Variants in STK38L observed in about 807,000 individuals in gnomAD.
STK38L encodes serine/threonine kinase 38 like.
A neutral mutation model predicts 59.7 loss-of-function variants in STK38L; 28 were observed. The ratio of observed to expected loss-of-function variants is 0.47; its 90% CI spans 0.35 to 0.64. The LOEUF is 0.64. Ranked by LOEUF, STK38L falls within the 30% of genes least tolerant of loss-of-function variation. The probability of loss-of-function intolerance (pLI) is 0.01; values close to 1 mark genes in which losing one functional copy is unlikely to be tolerated. For missense variants in STK38L, 314 were observed against 555.8 expected (o/e 0.56, Z 4.37); for synonymous variants, 162 against 176.8 (o/e 0.92, Z 0.66).
intron 1 of STK38L, among the ~76,000 whole-genome samples, chr12:27,245,152 G>T (rs1424446470): frequency 1.3e-5 from 2 of 152,200 alleles, no homozygotes. Context: ...TTGGAGGAAT[G>T]ATATAAAAAG....
intron 10 of STK38L, 142 bp from the exon 11 acceptor site, chr12:27,317,754 T>C (rs1471740645): frequency 2.0e-6 from 2 of 1,010,980 alleles, no homozygotes; most frequent in Non-Finnish European, 2.9e-6. Context: ...AGCAACGTGA[T>C]TGTAAATTGA....
chr12:27,288,933 G>A (rs763104709), intron 1 of STK38L, among the ~76,000 whole-genome samples: 5 of 146,908 alleles, frequency 3.4e-5, no homozygotes, highest in South Asian at 2.1e-4. Context: ...GTATGTGCTC[G>A]TGTGTGTGCC....
At chr12:27,267,683 G>T (rs1277152402) in intron 1 of STK38L, among the ~76,000 whole-genome samples, 2 of 152,280 alleles carry the variant, frequency 1.3e-5, no homozygotes, top group South Asian at 2.1e-4. Context: ...CAAAGCAGTT[G>T]TACTAATCTA....
At chr12:27,309,617 T>C (rs1223547697) in intron 5 of STK38L, among the ~76,000 whole-genome samples, 1 of 152,222 alleles carries the variant, frequency 6.6e-6, no homozygotes, top group African/African-American at 2.4e-5. Flanking sequence ...CTGGTGTCTC[T>C]TCTTATAAGG....
chr12:27,305,570 A>C (rs1427709334), intron 3 of STK38L, among the ~76,000 whole-genome samples: 1 of 152,254 alleles, frequency 6.6e-6, no homozygotes, highest in Non-Finnish European at 1.5e-5. Flanking sequence ...TTTGATAAAA[A>C]ATAAAATTGT....
intron 2 of STK38L, 125 bp downstream of exon 2, chr12:27,297,979 C>T: frequency 2.5e-6 from 3 of 1,200,974 alleles, no homozygotes; most frequent in Non-Finnish European, 3.5e-6. Context: ...TTTTGAGTTT[C>T]CTGTACTGAC....
intron 1 of STK38L, among the ~76,000 whole-genome samples, chr12:27,289,289 T>C (rs1373724767): frequency 2.7e-5 from 4 of 150,636 alleles, no homozygotes; most frequent in Non-Finnish European, 6.0e-5. Flanking sequence ...ATTGCTGCTT[T>C]GGTAAATTTA....
intron 1 of STK38L, among the ~76,000 whole-genome samples, chr12:27,261,349 A>G (rs754366798): frequency 1.4e-4 from 22 of 152,230 alleles, no homozygotes; most frequent in Admixed American, 1.3e-3. Context: ...GTTCTAGTGC[A>G]GAGTCCCATT....
At chr12:27,317,658 T>C (rs1244799748) in intron 10 of STK38L, 2 of 705,966 alleles carry the variant, frequency 2.8e-6, no homozygotes, top group Non-Finnish European at 4.6e-6. Flanking sequence ...TAACCCAAAC[T>C]CCCACGTATA....
intron 7 of STK38L, 98 bp downstream of exon 7, chr12:27,314,756 A>G (rs1944544223): frequency 3.0e-6 from 4 of 1,319,978 alleles, no homozygotes; most frequent in Admixed American, 2.6e-5. Context: ...AATTTAGAAT[A>G]TTGCTAAACA....
intron 1 of STK38L, among the ~76,000 whole-genome samples, chr12:27,249,241 C>T (rs763815286): frequency 6.6e-5 from 10 of 152,224 alleles, no homozygotes; most frequent in Non-Finnish European, 1.2e-4. Flanking sequence ...GTGACCTGAT[C>T]ATTCACAGTC....
Position 27,297,776 on chromosome 12 carries a change from A to T in STK38L, c.56A>T (p.Glu19Val). 1 of 1,614,078 alleles carries T rather than the reference A, an allele frequency of 6.2e-7. No homozygotes were observed. Among genetic ancestry groups the T allele is most frequent in the Non-Finnish European group, 8.5e-7 (1 of 1,179,972 alleles). Residue 19 changes from glutamate (E) to valine (V), a missense_variant, in exon 2 of 14, where the codon GAA becomes GTA. This residue lies in a region of STK38L where 192 missense variants were observed against 316.9 expected (regional missense o/e 0.61). Coordinates refer to ENST00000389032, the MANE Select transcript of STK38L (RefSeq NM_015000.4). The part of the protein sequence containing the change: ...TTFPMSNHTR[E>V]RVTVAKLTLE... ...TTTCCTATGAGCAACCATACCCGGG[A>T]AAGAGTGACTGTAGCCAAGCTCACA... is the stretch of plus-strand genomic sequence containing the variant.
At position 27,323,952 on chromosome 12, in the gene STK38L, A is replaced by T. The variant is rs190341286; in HGVS notation, c.*1497A>T. 9.2e-5 allele frequency: 14 copies of T among 152,292 alleles called. No homozygotes were observed. In the East Asian group the frequency reaches 2.7e-3, roughly 29 times the overall value. The allele number at this position is 152,292 out of a possible 1,614,324, so 9.4% of individuals were successfully genotyped here. ...GAAATTTTTTAAAGATACAACCATG[A>T]TAACCATTATAAATGATCTATGATC... On this transcript the variant is annotated 3_prime_UTR_variant, in exon 14 of 14. Coordinates refer to ENST00000389032, the MANE Select transcript of STK38L (RefSeq NM_015000.4).
At chr12:27,278,072 C>A (rs1449145436) in intron 1 of STK38L, among the ~76,000 whole-genome samples, 1 of 152,168 alleles carries the variant, frequency 6.6e-6, no homozygotes, top group Admixed American at 6.5e-5. Flanking sequence ...ATGGGGATTT[C>A]CCATTGGGTT....
chr12:27,276,418 T>C (rs1317644100), intron 1 of STK38L, among the ~76,000 whole-genome samples: 1 of 152,190 alleles, frequency 6.6e-6, no homozygotes, highest in Non-Finnish European at 1.5e-5. Flanking sequence ...AGCCTGTCCC[T>C]GTGCTTTCTC....
chr12:27,269,290 T>C (rs1156564395), intron 1 of STK38L, among the ~76,000 whole-genome samples: 3 of 152,232 alleles, frequency 2.0e-5, no homozygotes, highest in African/African-American at 7.2e-5. Context: ...CTTGAATTAA[T>C]TTTTGTATAA....
chr12:27,282,565 A>G (rs1943683877), intron 1 of STK38L, among the ~76,000 whole-genome samples: 2 of 152,238 alleles, frequency 1.3e-5, no homozygotes, highest in Admixed American at 1.3e-4. Context: ...GACAAAAATT[A>G]AAAAGATGGA....
intron 7 of STK38L, 78 bp downstream of exon 7, chr12:27,314,736 C>A (rs1944543820): frequency 1.4e-6 from 2 of 1,437,216 alleles, no homozygotes; most frequent in African/African-American, 2.9e-5. Flanking sequence ...GAATGGAAAT[C>A]AGCAACTGCA....
chr12:27,270,658 G>A (rs1416835637), intron 1 of STK38L, among the ~76,000 whole-genome samples: 7 of 152,030 alleles, frequency 4.6e-5, no homozygotes, highest in African/African-American at 7.2e-5. Context: ...GATTACAGAC[G>A]TGAGCCACCG....
Sources: allele counts gnomAD v4.1 joint callset (sites outside exome capture counted in the v4.1 genomes callset), GRCh38; gene constraint gnomAD v4.1.1; regional missense constraint gnomAD v4.1.1; transcripts MANE v1.5; gene names NCBI Gene and HGNC (gene_info 2026-07-23, HGNC 2026-07-21).